Variants in DCC observed in about 807,000 individuals in gnomAD.
The protein encoded by DCC is netrin receptor DCC.
In DCC, 58 loss-of-function variants were observed where a neutral mutation model predicts 172.5. That is an observed-to-expected ratio of 0.34 (90% CI 0.27 to 0.42). DCC has a LOEUF of 0.42. Ranked by LOEUF, DCC falls within the 10% of genes least tolerant of loss-of-function variation. The probability of loss-of-function intolerance (pLI) is 1.00; values close to 1 mark genes in which losing one functional copy is unlikely to be tolerated. For missense variants in DCC, 1,740 were observed against 1,791.0 expected (o/e 0.97, Z 0.51); for synonymous variants, 709 against 644.5 (o/e 1.10, Z -1.52).
At chr18:52,745,607 A>G (rs1476807609) in intron 1 of DCC, among the ~76,000 whole-genome samples, 1 of 152,254 alleles carries the variant, frequency 6.6e-6, no homozygotes, top group African/African-American at 2.4e-5. Context: ...TAGCACATCT[A>G]TCACCTCAAA....
intron 1 of DCC, among the ~76,000 whole-genome samples, chr18:52,527,556 T>A (rs1268216172): frequency 6.6e-6 from 1 of 152,228 alleles, no homozygotes; most frequent in Non-Finnish European, 1.5e-5. Flanking sequence ...AATGCAGAGT[T>A]CAGTGGTTGC....
At chr18:53,014,430 C>A in intron 5 of DCC, among the ~76,000 whole-genome samples, 1 of 13,092 alleles carries the variant, frequency 7.6e-5, no homozygotes, top group Non-Finnish European at 1.8e-4. Context: ...TATCCCTCCC[C>A]CCTCCCCCCT....
chr18:53,397,724 T>C (rs1177753056), intron 18 of DCC, among the ~76,000 whole-genome samples: 1 of 152,190 alleles, frequency 6.6e-6, no homozygotes, highest in Non-Finnish European at 1.5e-5. Context: ...TTCTTTTCAC[T>C]ACATTTAAGT....
intron 2 of DCC, among the ~76,000 whole-genome samples, chr18:52,791,037 G>A (rs939269257): frequency 1.3e-5 from 2 of 152,156 alleles, no homozygotes; most frequent in African/African-American, 4.8e-5. Context: ...GGAAATTTTG[G>A]AGATGGTGGA....
At chr18:53,278,133 A>G (rs1476659956) in intron 12 of DCC, among the ~76,000 whole-genome samples, 1 of 152,160 alleles carries the variant, frequency 6.6e-6, no homozygotes, top group Non-Finnish European at 1.5e-5. Context: ...CACAATAACT[A>G]AACTAAAATT....
intron 1 of DCC, among the ~76,000 whole-genome samples, chr18:52,695,348 T>C (rs1185202904): frequency 6.6e-6 from 1 of 152,228 alleles, no homozygotes; most frequent in East Asian, 1.9e-4. Context: ...TTAGGACTTT[T>C]CCAGCCTCCT....
rs573644130 is a variant in DCC at position 52,845,428 on chromosome 18, C to G, written c.413-60616C>G. 2.6e-5 allele frequency among the ~76,000 whole-genome samples: 4 copies of G among 152,346 alleles called. No homozygotes were observed. The East Asian group carries it at 7.7e-4, about 29-fold the overall frequency. ...AAAGCCATCATAATGCAATGCCTAG[C>G]AATGGCTCAAAAGCACAGCCATGGC... On this transcript the variant is annotated intron_variant, in intron 2 of 28. Coordinates refer to ENST00000442544, the MANE Select transcript of DCC (RefSeq NM_005215.4).
intron 2 of DCC, among the ~76,000 whole-genome samples, chr18:52,762,410 C>T (rs1297394824): frequency 6.6e-6 from 1 of 151,710 alleles, no homozygotes; most frequent in Non-Finnish European, 1.5e-5. Flanking sequence ...GAGATCAAGG[C>T]TGCTGTAAGC....
In DCC at chr18:53,503,208, T is replaced by TTTGC. The variant is rs529768142; in HGVS notation, c.4111+3699_4111+3702dup. 3.5e-3 allele frequency among the ~76,000 whole-genome samples: 539 copies of TTTGC among 152,268 alleles called. 3 individuals carry two copies. Among genetic ancestry groups the TTTGC allele is most frequent in the Middle Eastern group, 0.027 (8 of 294 alleles). ...TAGTCTCCATGGGGTTGCAGAGCAT[T>TTTGC]TTGCAATATTTTTATAGTAAGCAGT... On this transcript the variant is annotated intron_variant, in intron 27 of 28. Transcript: ENST00000442544.
At chr18:52,925,545 A>G (rs977967151) in intron 5 of DCC, among the ~76,000 whole-genome samples, 175 bp downstream of exon 5, 1 of 151,990 alleles carries the variant, frequency 6.6e-6, no homozygotes, top group Admixed American at 6.6e-5. Context: ...GTTATATGCA[A>G]TGTTTGAATA....
intron 7 of DCC, among the ~76,000 whole-genome samples, chr18:53,106,363 C>G (rs2043247620): frequency 6.6e-6 from 1 of 151,852 alleles, no homozygotes; most frequent in Non-Finnish European, 1.5e-5. Flanking sequence ...ACTTGCCTGC[C>G]TGGTACTGGG....
At chr18:53,284,178 G>T (rs569513826) in intron 12 of DCC, among the ~76,000 whole-genome samples, 1 of 152,204 alleles carries the variant, frequency 6.6e-6, no homozygotes, top group African/African-American at 2.4e-5. Flanking sequence ...GTTTTGCCCT[G>T]TAGTTCTGTT....
chr18:53,470,776 T>C (rs955916694), intron 25 of DCC, among the ~76,000 whole-genome samples: 20 of 152,036 alleles, frequency 1.3e-4, no homozygotes, highest in African/African-American at 4.8e-4. Context: ...AACCACCAGA[T>C]CTCATGAGAA....
chr18:52,922,718 G>A (rs901370544), intron 3 of DCC, among the ~76,000 whole-genome samples: 2 of 152,154 alleles, frequency 1.3e-5, no homozygotes, highest in Admixed American at 6.6e-5. Flanking sequence ...TCTGGTCAGA[G>A]GATGTTGCCA....
chr18:53,530,549 T>G lies in DCC; in HGVS notation c.4255-15T>G. 7.2e-7 allele frequency: 1 copy of G among 1,391,286 alleles called. No individual in the cohort carries two copies. The highest frequency in any genetic ancestry group is 1.8e-4 in the Middle Eastern group (1 of 5,646). The allele number at this position is 1,391,286 out of a possible 1,614,324, so 86.2% of individuals were successfully genotyped here. A position where few individuals can be genotyped will look rare whatever the true frequency, so the allele number is the denominator to read the frequency against. ...AATATTTGTTACTAACTCTTGGCTC[T>G]CATTCTCTTTATAGGTGTATGAACA... On this transcript the variant is annotated splice_polypyrimidine_tract_variant and intron_variant, in intron 28 of 28. Coordinates refer to ENST00000442544, the MANE Select transcript of DCC (RefSeq NM_005215.4).
intron 25 of DCC, among the ~76,000 whole-genome samples, chr18:53,483,429 G>T (rs1299178530): frequency 6.6e-6 from 1 of 151,810 alleles, no homozygotes; most frequent in Non-Finnish European, 1.5e-5. Context: ...GAATTTTTCT[G>T]ATGTAACATG....
intron 1 of DCC, among the ~76,000 whole-genome samples, chr18:52,566,557 C>A (rs1489127639): frequency 2.6e-5 from 4 of 151,856 alleles, no homozygotes; most frequent in Non-Finnish European, 5.9e-5. Flanking sequence ...GTAAACTGAC[C>A]CAGGTCACGT....
chr18:52,569,795 G>T (rs546532905), intron 1 of DCC, among the ~76,000 whole-genome samples: 1 of 152,246 alleles, frequency 6.6e-6, no homozygotes, highest in East Asian at 1.9e-4. Context: ...TATAGCTAGA[G>T]AAAGAAATGT....
At chr18:52,488,428 G>A (rs1568193770) in intron 1 of DCC, among the ~76,000 whole-genome samples, 2 of 152,092 alleles carry the variant, frequency 1.3e-5, no homozygotes, top group Non-Finnish European at 2.9e-5. Flanking sequence ...GGATAGGATA[G>A]GATAGATCTG....
Sources: gnomAD v4.1 joint callset for allele counts (sites outside exome capture counted in the v4.1 genomes callset) on GRCh38, gnomAD v4.1.1 for gene constraint, MANE v1.5 for transcripts, NCBI Gene and HGNC (gene_info 2026-07-23, HGNC 2026-07-21) for gene names.